Variants in CSTPP1 observed in about 807,000 individuals in gnomAD.
CSTPP1 encodes UPF0705 protein C11orf49.
chr11:46,999,719 C>T, the CSTPP1 span, among the ~76,000 whole-genome samples: 1 of 152,154 alleles, frequency 6.6e-6, no homozygotes, highest in Non-Finnish European at 1.5e-5. Context: ...GGTATCCTTC[C>T]ATCTTACAGT....
chr11:46,954,737 G>T, the CSTPP1 span, among the ~76,000 whole-genome samples: 1 of 150,962 alleles, frequency 6.6e-6, no homozygotes, highest in African/African-American at 2.4e-5. Context: ...ACAAAAAAAA[G>T]CAGTACCCTA....
chr11:47,137,810 GA>G, the CSTPP1 span: 6 of 1,396,810 alleles, frequency 4.3e-6, no homozygotes, highest in East Asian at 2.3e-5. Flanking sequence ...GTATACAAAT[GA>G]AAAAAAGGAG....
the CSTPP1 span, among the ~76,000 whole-genome samples, chr11:47,015,539 G>A: frequency 2.0e-5 from 3 of 151,766 alleles, no homozygotes; most frequent in Non-Finnish European, 2.9e-5. Flanking sequence ...AGAAACTCCA[G>A]GCCCAGGTGG....
At chr11:46,973,715 A>G in the CSTPP1 span, among the ~76,000 whole-genome samples, 1 of 152,126 alleles carries the variant, frequency 6.6e-6, no homozygotes. Context: ...TAGCTACAAG[A>G]GAAGCTGAGA....
At chr11:47,099,501 C>A in the CSTPP1 span, among the ~76,000 whole-genome samples, 2 of 152,186 alleles carry the variant, frequency 1.3e-5, no homozygotes, top group Non-Finnish European at 2.9e-5. Context: ...CCACCCACAA[C>A]CTCTTTGGGA....
the CSTPP1 span, among the ~76,000 whole-genome samples, chr11:47,081,928 A>G: frequency 1.3e-5 from 2 of 151,348 alleles, no homozygotes; most frequent in Admixed American, 6.6e-5. Context: ...TGTCTCTACA[A>G]AAAAACCTTT....
the CSTPP1 span, among the ~76,000 whole-genome samples, chr11:47,002,605 G>A: frequency 6.6e-6 from 1 of 151,940 alleles, no homozygotes; most frequent in Admixed American, 6.6e-5. Context: ...GATTCTCCCT[G>A]TCAGGAAAGA....
At chr11:46,979,786 G>A in the CSTPP1 span, among the ~76,000 whole-genome samples, 3 of 152,216 alleles carry the variant, frequency 2.0e-5, no homozygotes, top group South Asian at 2.1e-4. Flanking sequence ...GGTGGCGGGC[G>A]CCTGTAATCC....
At chr11:47,069,719 T>A in the CSTPP1 span, among the ~76,000 whole-genome samples, 6,489 of 152,154 alleles carry the variant, frequency 0.043, 415 homozygotes, top group African/African-American at 0.15. Context: ...TATTATTATT[T>A]TTTTTTTGAG....
At chr11:47,022,035 G>GT in the CSTPP1 span, among the ~76,000 whole-genome samples, 1,137 of 139,112 alleles carry the variant, frequency 8.2e-3, 3 homozygotes, top group Admixed American at 0.014. Flanking sequence ...CACATATATG[G>GT]TTTTTTTTTT....
chr11:47,162,020 C>A, the CSTPP1 span: 5 of 1,010,118 alleles, frequency 4.9e-6, no homozygotes, highest in Admixed American at 1.7e-4. Context: ...GGGGGAGAAC[C>A]CGAATAGCCA....
the CSTPP1 span, among the ~76,000 whole-genome samples, chr11:47,135,784 T>C: frequency 1.9e-4 from 29 of 152,334 alleles, no homozygotes; most frequent in African/African-American, 7.0e-4. Context: ...ATGTATTCTG[T>C]TTTTCATATT....
At chr11:47,092,335 A>G in the CSTPP1 span, among the ~76,000 whole-genome samples, 1 of 152,234 alleles carries the variant, frequency 6.6e-6, no homozygotes, top group Non-Finnish European at 1.5e-5. Context: ...ATAAACTTGT[A>G]GAAAAATGTC....
chr11:47,101,402 G>C, the CSTPP1 span, among the ~76,000 whole-genome samples: 149,121 of 151,396 alleles, frequency 0.98, 73,481 homozygotes, highest in Middle Eastern at 1. Flanking sequence ...AATTCTCACT[G>C]ACTTATGGTG....
the CSTPP1 span, among the ~76,000 whole-genome samples, chr11:47,014,370 A>G: frequency 9.9e-6 from 1 of 101,050 alleles, no homozygotes; most frequent in South Asian, 4.0e-4. Flanking sequence ...GAAGAAAGAA[A>G]AAAAGAAAGA....
chr11:47,153,362 G>T, the CSTPP1 span, among the ~76,000 whole-genome samples: 2 of 151,518 alleles, frequency 1.3e-5, no homozygotes, highest in African/African-American at 4.9e-5. Context: ...AACTCTGGTG[G>T]TGGAGGCAGC....
At chr11:47,143,797 G>A in the CSTPP1 span, among the ~76,000 whole-genome samples, 2 of 152,216 alleles carry the variant, frequency 1.3e-5, no homozygotes, top group Non-Finnish European at 2.9e-5. Context: ...TATACTAGCT[G>A]TGCCCTTGAG....
the CSTPP1 span, among the ~76,000 whole-genome samples, chr11:47,126,047 A>G: frequency 1.1e-4 from 17 of 151,244 alleles, no homozygotes; most frequent in Admixed American, 2.0e-4. Flanking sequence ...AGTATTTTTT[A>G]TATATATAAA....
chr11:47,123,501 C>T, the CSTPP1 span, among the ~76,000 whole-genome samples: 2 of 152,310 alleles, frequency 1.3e-5, no homozygotes, highest in African/African-American at 4.8e-5. Context: ...CAAGCATTAT[C>T]TCATGTATTC....
Sources: allele counts gnomAD v4.1 joint callset (sites outside exome capture counted in the v4.1 genomes callset), GRCh38; gene constraint gnomAD v4.1.1; transcripts MANE v1.5; gene names NCBI Gene and HGNC (gene_info 2026-07-23, HGNC 2026-07-21).